Variants in ABL2 observed in about 807,000 individuals in gnomAD.
ABL2 encodes the protein tyrosine-protein kinase ABL2.
Under a neutral mutation model 107.7 loss-of-function variants are expected in ABL2, and 49 were observed. The observed-to-expected ratio is 0.45, with a 90% CI of 0.36 to 0.58. The LOEUF (loss-of-function observed/expected upper bound fraction) is 0.58, where lower values mean the gene tolerates loss of function less well. Among genes scored for constraint, ABL2 ranks in the 20% least tolerant of loss-of-function variants. The pLI, the probability that ABL2 is intolerant of heterozygous loss-of-function variation, is 0.00. For synonymous variants in ABL2, 549 were observed against 548.6 expected (o/e 1.00, Z -0.01); for missense variants, 1,245 against 1,457.0 (o/e 0.85, Z 2.37).
chr1:179,181,849 C>T (rs1025938645), intron 1 of ABL2, among the ~76,000 whole-genome samples: 19 of 151,740 alleles, frequency 1.3e-4, no homozygotes, highest in South Asian at 1.0e-3. Context: ...GGCATGATCT[C>T]GGCTCACTGC....
chr1:179,165,201 C>T (rs1470956522), intron 1 of ABL2, among the ~76,000 whole-genome samples: 1 of 152,084 alleles, frequency 6.6e-6, no homozygotes, highest in Non-Finnish European at 1.5e-5. Flanking sequence ...ATTAATTACT[C>T]AAATATTTAG....
chr1:179,224,573 G>C (rs1663089392), intron 1 of ABL2, among the ~76,000 whole-genome samples: 1 of 151,692 alleles, frequency 6.6e-6, no homozygotes, highest in Non-Finnish European at 1.5e-5. Flanking sequence ...CCAGCCTAAA[G>C]TTAATTTTTA....
At chr1:179,113,366 C>T (rs191805657) in intron 9 of ABL2, among the ~76,000 whole-genome samples, 1 of 152,288 alleles carries the variant, frequency 6.6e-6, no homozygotes, top group African/African-American at 2.4e-5. Context: ...TCAAACTCAG[C>T]CTAACCATAT....
chr1:179,126,348 G>A lies in ABL2; in HGVS notation c.687+29C>T, dbSNP rs1655717951. The A allele has an allele frequency of 6.3e-7, 1 of 1,599,064 alleles. No homozygotes were observed. Among genetic ancestry groups the A allele is most frequent in the African/African-American group, 1.3e-5 (1 of 74,680 alleles). ...TTATTTCACAGAGTAGCCAGTCCAT[G>A]CTTAAAGGTGGTGACCAGGGAGTCT... is the stretch of plus-strand genomic sequence containing the variant. On this transcript the variant is annotated intron_variant, in intron 4 of 11. Transcript: ENST00000502732. This position sits in a 1 kb window ranked among gnomAD's most constrained non-coding sequence, Gnocchi z 4.4.
intron 1 of ABL2, among the ~76,000 whole-genome samples, chr1:179,156,547 C>A (rs987655815): frequency 6.6e-6 from 1 of 152,136 alleles, no homozygotes; most frequent in Non-Finnish European, 1.5e-5. Context: ...GTTACAAAAG[C>A]ACTGGAAATT....
intron 1 of ABL2, among the ~76,000 whole-genome samples, chr1:179,224,742 G>C (rs905348205): frequency 6.6e-6 from 1 of 151,326 alleles, no homozygotes; most frequent in Non-Finnish European, 1.5e-5. Flanking sequence ...CTTGCCTCTC[G>C]CAGTGGCTCA....
intron 4 of ABL2, among the ~76,000 whole-genome samples, chr1:179,123,643 T>C (rs1233695783): frequency 1.3e-5 from 2 of 152,196 alleles, no homozygotes; most frequent in East Asian, 3.9e-4. Flanking sequence ...TTATGTATTT[T>C]TGAGAAATAA....
At position 179,108,476 on chromosome 1, in the gene ABL2, C is replaced by T; in HGVS notation, c.2791G>A (p.Val931Met). The T allele has an allele frequency of 6.2e-7, 1 of 1,614,212 alleles. No individual in the cohort carries two copies. The highest frequency in any genetic ancestry group is 8.5e-7 in the Non-Finnish European group (1 of 1,180,042). Reference protein sequence around the residue: ...PVLPTTHNHKVPVLISPTLKH... With the variant: ...PVLPTTHNHKMPVLISPTLKH... ...AGAGTGGGTGAGATAAGGACTGGCA[C>T]TTTGTGGTTGTGAGTGGTTGGGAGG... Residue 931 changes from valine (V) to methionine (M), a missense_variant, in exon 12 of 12, where the codon GTG becomes ATG. Val to Met is a conservative substitution (Grantham distance 21). Transcript: ENST00000502732.
At chr1:179,196,399 G>A (rs528738737) in intron 1 of ABL2, 1 of 152,080 alleles carries the variant, frequency 6.6e-6, no homozygotes, top group Non-Finnish European at 1.5e-5. Context: ...ATACACTATG[G>A]GATGATTAAA....
chr1:179,141,682 T>C (rs1657605228), intron 1 of ABL2, among the ~76,000 whole-genome samples: 1 of 152,198 alleles, frequency 6.6e-6, no homozygotes. Flanking sequence ...AGTCAAAAGA[T>C]CTTATTTCCT....
At chr1:179,128,843 C>T (rs976791240) in intron 3 of ABL2, among the ~76,000 whole-genome samples, 1 of 152,124 alleles carries the variant, frequency 6.6e-6, no homozygotes, top group Non-Finnish European at 1.5e-5. Context: ...GCCACTGCCC[C>T]TGGCTAATTT....
intron 1 of ABL2, among the ~76,000 whole-genome samples, chr1:179,144,468 C>CA (rs1042686470): frequency 7.3e-5 from 11 of 151,186 alleles, no homozygotes; most frequent in Admixed American, 2.0e-4. Flanking sequence ...TCAAAAAAAA[C>CA]AAAAAAAAGA....
intron 1 of ABL2, chr1:179,184,358 T>C (rs1571270645): frequency 3.0e-6 from 2 of 659,688 alleles, no homozygotes; most frequent in African/African-American, 1.9e-5. Context: ...AATGGAAAGC[T>C]GGAAAGGATG....
At position 179,206,419 on chromosome 1, in the gene ABL2, A is replaced by G. The variant is rs190095673; in HGVS notation, c.157+22822T>C. ...AATGACACATATTAGGGTTTGTACT[A>G]GGACACTGTTTACAACAGCAAAAAA... On this transcript the variant is annotated intron_variant, in intron 1 of 11. Coordinates refer to ENST00000502732, the MANE Select transcript of ABL2 (RefSeq NM_007314.4). Among the ~76,000 whole-genome samples, 15 of 152,222 alleles carry G rather than the reference A, an allele frequency of 9.9e-5. No individual in the cohort carries two copies. The East Asian group carries it at 2.7e-3, about 27-fold the overall frequency.
chr1:179,138,600 T>C (rs190480591), intron 1 of ABL2, among the ~76,000 whole-genome samples: 10 of 152,346 alleles, frequency 6.6e-5, no homozygotes, highest in South Asian at 2.1e-4. Context: ...TTTCAGTTAA[T>C]GGCAATTCCA....
At chr1:179,116,971 C>T (rs545211567) in intron 8 of ABL2, 58 of 305,404 alleles carry the variant, frequency 1.9e-4, no homozygotes, top group African/African-American at 1.1e-3. Context: ...TCTTGAATAG[C>T]TGGGATTACT....
At chr1:179,140,985 G>A (rs2017688) in intron 1 of ABL2, among the ~76,000 whole-genome samples, 2 of 151,858 alleles carry the variant, frequency 1.3e-5, no homozygotes, top group East Asian at 1.9e-4. Context: ...GTGTGGTGGC[G>A]GGTGCCTGTA....
chr1:179,148,243 T>G (rs909979558), intron 1 of ABL2, among the ~76,000 whole-genome samples: 1 of 151,952 alleles, frequency 6.6e-6, no homozygotes, highest in Non-Finnish European at 1.5e-5. Context: ...TTTCACCATG[T>G]TGCCCAGGCT....
chr1:179,118,074 G>A (rs57903944), intron 7 of ABL2, among the ~76,000 whole-genome samples: 12,308 of 152,048 alleles, frequency 0.081, 518 homozygotes, highest in Middle Eastern at 0.11. Flanking sequence ...GATGGCTTGA[G>A]CCCAGGAGGC....
Sources: gnomAD v4.1 joint callset for allele counts (sites outside exome capture counted in the v4.1 genomes callset) on GRCh38, gnomAD v4.1.1 for gene constraint, Gnocchi (gnomAD v3.1) non-coding constraint, MANE v1.5 for transcripts, NCBI Gene and HGNC (gene_info 2026-07-23, HGNC 2026-07-21) for gene names.